The following PSME4 variants were observed in gnomAD, a reference collection of about 807,000 sequenced individuals.
The protein encoded by PSME4 is proteasome activator subunit 4, also known as proteasome activator complex subunit 4.
A neutral mutation model predicts 253.9 loss-of-function variants in PSME4; 89 were observed. The ratio of observed to expected loss-of-function variants is 0.35; its 90% CI spans 0.30 to 0.42. PSME4 has a LOEUF of 0.42. PSME4 is among the 10% of genes least tolerant of loss of function. The pLI is 1.00. For synonymous variants in PSME4, 851 were observed against 759.2 expected, an observed-to-expected ratio of 1.12 and a Z score of -1.99; for missense variants, 2,014 against 2,195.2, an observed-to-expected ratio of 0.92 and a Z score of 1.65.
At chr2:53,910,383 G>A (rs1667774621) in intron 20 of PSME4, among the ~76,000 whole-genome samples, 1 of 152,042 alleles carries the variant, frequency 6.6e-6, no homozygotes, top group East Asian at 1.9e-4. Flanking sequence ...ACATAATATT[G>A]ATATCCAATA....
At chr2:53,957,150 A>T (rs1457331894) in intron 1 of PSME4, among the ~76,000 whole-genome samples, 2 of 152,202 alleles carry the variant, frequency 1.3e-5, no homozygotes, top group Non-Finnish European at 2.9e-5. Context: ...TTTCATGAGG[A>T]AAAGTTCTTT....
chr2:53,866,272 G>T, intron 45 of PSME4, 49 bp from the exon 46 acceptor site: 1 of 1,588,430 alleles, frequency 6.3e-7, no homozygotes, highest in Non-Finnish European at 8.6e-7. Flanking sequence ...GGACAACCAG[G>T]ATCATATGTA....
At chr2:53,930,703 C>T (rs776672205) in intron 10 of PSME4, among the ~76,000 whole-genome samples, 3 of 152,290 alleles carry the variant, frequency 2.0e-5, no homozygotes, top group East Asian at 3.9e-4. Context: ...ATCTTGAACA[C>T]GGTATCCTTC....
chr2:53,920,242 C>G lies in PSME4; in HGVS notation c.2371G>C (p.Glu791Gln). The G allele has an allele frequency of 6.2e-7, 1 of 1,613,634 alleles. No individual in the cohort carries two copies. Among genetic ancestry groups the G allele is most frequent in the Non-Finnish European group, 8.5e-7 (1 of 1,179,714 alleles). ...CCACAATGCTGGAGTTTGACGAGCTCAGGCTGAAGAAAGGAGTCCAAAAGA... is the reference window on the plus strand; with the variant it reads ...CCACAATGCTGGAGTTTGACGAGCTGAGGCTGAAGAAAGGAGTCCAAAAGA... ...FYLLDSFLQPELVKLQHCGDG... is the reference protein window; with the variant it reads ...FYLLDSFLQPQLVKLQHCGDG... Residue 791 changes from glutamate to glutamine, a missense_variant, in exon 19 of 47, where the codon GAG (glutamate) becomes CAG (glutamine). By Grantham distance (29) the Glu-to-Gln change is conservative. Transcript: ENST00000404125.
intron 20 of PSME4, among the ~76,000 whole-genome samples, chr2:53,917,667 T>A (rs763940607): frequency 3.3e-5 from 5 of 152,188 alleles, no homozygotes; most frequent in South Asian, 2.1e-4. Context: ...GTTGACACCT[T>A]CAAGCAGAAC....
chr2:53,957,722 A>G (rs1670299304), intron 1 of PSME4, among the ~76,000 whole-genome samples: 1 of 152,192 alleles, frequency 6.6e-6, no homozygotes. Flanking sequence ...ACCATTTTGG[A>G]ATCCCTAGCG....
Position 53,906,531 on chromosome 2 carries a change from G to A in PSME4, c.2943+67C>T, listed in dbSNP as rs564757635. ...ATTATTTAAACTCTCTTCTTAAAAGGGGGATATTAAGATTGCATGTAATAA... is the reference window on the plus strand; with the variant it reads ...ATTATTTAAACTCTCTTCTTAAAAGAGGGATATTAAGATTGCATGTAATAA... On this transcript the variant is annotated intron_variant, in intron 26 of 46. Coordinates refer to ENST00000404125, the MANE Select transcript of PSME4 (RefSeq NM_014614.3). 2.8e-4 allele frequency: 401 copies of A among 1,425,756 alleles called. No individual in the cohort carries two copies. The African/African-American group carries it at 5.2e-3, about 18-fold the overall frequency. 88.3% of individuals were successfully genotyped at this position (1,425,756 alleles called of 1,614,324 possible). A position where few individuals can be genotyped will look rare whatever the true frequency, so the allele number is the denominator to read the frequency against.
At chr2:53,936,857 C>G (rs1429439374) in intron 5 of PSME4, 30 bp from the exon 6 acceptor site, 5 of 1,498,926 alleles carry the variant, frequency 3.3e-6, no homozygotes, top group Non-Finnish European at 4.6e-6. Context: ...TTATGAATAG[C>G]AAGTGATTTT....
chr2:53,962,176 T>C (rs988375516), intron 1 of PSME4, among the ~76,000 whole-genome samples: 5 of 152,218 alleles, frequency 3.3e-5, no homozygotes, highest in South Asian at 2.1e-4. Context: ...TATTTAAGAA[T>C]GTTTGCAAGG....
rs529773370 is a variant in PSME4 at position 53,874,078 on chromosome 2, C to G, written c.5100+261G>C. 5.3e-5 allele frequency among the ~76,000 whole-genome samples: 8 copies of G among 152,272 alleles called. No homozygotes were observed. The East Asian group carries it at 9.6e-4, about 18-fold the overall frequency. ...CCAGGCTTAAGCGATCCTCCGACCT[C>G]GACCTCCTGAATAGCTGGGATCACA... On this transcript the variant is annotated intron_variant, in intron 43 of 46. Transcript: ENST00000404125.
At chr2:53,884,764 G>C (rs961468281) in intron 41 of PSME4, among the ~76,000 whole-genome samples, 2 of 152,284 alleles carry the variant, frequency 1.3e-5, no homozygotes, top group East Asian at 3.9e-4. Flanking sequence ...CTATAGGTAA[G>C]AAGGACCTAT....
At chr2:53,917,415 G>A (rs1223554249) in intron 20 of PSME4, 1 of 151,972 alleles carries the variant, frequency 6.6e-6, no homozygotes, top group African/African-American at 2.4e-5. Flanking sequence ...AATATATGAA[G>A]CTTTTGTCAT....
chr2:53,945,957 G>C (rs1669680682), intron 3 of PSME4, among the ~76,000 whole-genome samples: 1 of 152,154 alleles, frequency 6.6e-6, no homozygotes, highest in Admixed American at 6.5e-5. Context: ...TTGAGAGTCA[G>C]TGCTGTGTTT....
intron 1 of PSME4, among the ~76,000 whole-genome samples, chr2:53,968,484 C>G (rs1471099646): frequency 6.6e-6 from 1 of 152,124 alleles, no homozygotes; most frequent in African/African-American, 2.4e-5. Flanking sequence ...CAGATGTTCA[C>G]TTATGCAACA....
chr2:53,945,582 A>G (rs1206514632), intron 3 of PSME4, among the ~76,000 whole-genome samples: 1 of 152,192 alleles, frequency 6.6e-6, no homozygotes, highest in Non-Finnish European at 1.5e-5. Flanking sequence ...AAGGGAAGAG[A>G]GGAAAGTTGA....
Position 53,899,883 on chromosome 2 carries a change from T to G in PSME4, c.3420A>C (p.Leu1140=). The change falls in exon 29 of 47, where the codon CTA becomes CTC. Residue 1140 remains leucine (L), a splice_region_variant and synonymous_variant. Transcript: ENST00000404125. ...GAAGTACACCATTCATCAATTACCT[T>G]AGGGCATCGGCATTCTTTTCCTGTT... The part of the protein sequence containing the change: ...KRQQEKNADA[L]RNYENLVDTL... 1 of 1,613,376 alleles carries G rather than the reference T, an allele frequency of 6.2e-7. No homozygotes were observed. The highest frequency in any genetic ancestry group is 8.5e-7 in the Non-Finnish European group (1 of 1,179,762).
chr2:53,887,901 T>C lies in PSME4; in HGVS notation c.4477A>G (p.Lys1493Glu), dbSNP rs60671909. 2.7e-5 allele frequency: 44 copies of C among 1,605,608 alleles called. No individual in the cohort carries two copies. Among genetic ancestry groups the C allele is most frequent in the Non-Finnish European group, 3.7e-5 (43 of 1,172,492 alleles). ...ACATTTTTGTAAACCTGGGTGAGTT[T>C]GGGTTCCAAGTACTTCAGTAGTCTG... ...LHRLLKYLEP[K>E]LTQVYKNVRE... Residue 1493 changes from lysine (K) to glutamate (E), a missense_variant, in exon 39 of 47, where the codon AAA becomes GAA. Transcript: ENST00000404125.
intron 8 of PSME4, chr2:53,932,982 C>G (rs1015250573): frequency 2.1e-6 from 1 of 469,454 alleles, no homozygotes; most frequent in Non-Finnish European, 3.8e-6. Flanking sequence ...TTACTTGAAC[C>G]AACATAAAAA....
At position 53,940,867 on chromosome 2, in the gene PSME4, TATATTTAAATATATATAATAC is replaced by T. The variant is rs1573338986; in HGVS notation, c.501-888_501-868del. Among the ~76,000 whole-genome samples, 19 of 114,084 alleles carry T rather than the reference TATATTTAAATATATATAATAC, an allele frequency of 1.7e-4. 1 individual carries two copies. Among genetic ancestry groups the T allele is most frequent in the Admixed American group, 6.1e-4 (6 of 9,866 alleles). 74.8% of individuals were successfully genotyped at this position (114,084 alleles called of 152,430 possible). A position where few individuals can be genotyped will look rare whatever the true frequency, so the allele number is the denominator to read the frequency against. On this transcript the variant is annotated intron_variant, in intron 3 of 46. Transcript: ENST00000404125. ...CAAAAAAATTTATATATATATAATA[TATATTTAAATATATATAATAC>T]ATATTTAAATATATATAATACATAT...
Sources: allele counts gnomAD v4.1 joint callset (sites outside exome capture counted in the v4.1 genomes callset), GRCh38; gene constraint gnomAD v4.1.1; transcripts MANE v1.5; gene names NCBI Gene and HGNC (gene_info 2026-07-23, HGNC 2026-07-21).